FARSA: variants seen among roughly 807,000 people sequenced by gnomAD.
FARSA encodes the protein phenylalanyl-tRNA synthetase subunit alpha, also known as phenylalanine--tRNA ligase alpha subunit.
FARSA carries 37 observed loss-of-function variants against 63.2 expected under a neutral mutation model. That is an observed-to-expected ratio of 0.59 (90% CI 0.45 to 0.77). FARSA has a LOEUF of 0.77. Among genes scored for constraint, FARSA ranks in the 30% least tolerant of loss-of-function variants. The probability of loss-of-function intolerance (pLI) is 0.00; values close to 1 mark genes in which losing one functional copy is unlikely to be tolerated. For missense variants in FARSA, 618 were observed against 696.6 expected, an observed-to-expected ratio of 0.89 and a Z score of 1.27; for synonymous variants, 312 against 285.1, an observed-to-expected ratio of 1.09 and a Z score of -0.95.
At chr19:12,933,351 A>G (rs1971416269) in intron 1 of FARSA, 199 bp downstream of exon 1, 4 of 607,794 alleles carry the variant, frequency 6.6e-6, no homozygotes, top group South Asian at 4.3e-5. Context: ...CCGTGCCTCA[A>G]TAAACGTTTA....
chr19:12,925,403 G>C (rs1971315575), intron 7 of FARSA, among the ~76,000 whole-genome samples: 1 of 151,956 alleles, frequency 6.6e-6, no homozygotes, highest in Non-Finnish European at 1.5e-5. Context: ...AGTTGGCCCA[G>C]CTGAAGTACA....
intron 12 of FARSA, among the ~76,000 whole-genome samples, chr19:12,923,922 G>A (rs1971294868): frequency 6.6e-6 from 1 of 152,234 alleles, no homozygotes; most frequent in Non-Finnish European, 1.5e-5. Flanking sequence ...TGATGTACTT[G>A]TTGGTCTTGC....
chr19:12,928,772 G>C lies in FARSA; in HGVS notation c.579C>G (p.Ser193Arg), dbSNP rs762393723. The C allele has an allele frequency of 1.2e-6, 2 of 1,614,062 alleles. No homozygotes were observed. The highest frequency in any genetic ancestry group is 1.7e-6 in the Non-Finnish European group (2 of 1,180,056). ...CCTGCTACCTGGAGATCATCTCTGG[G>C]CTCAGCTCTGTCTCTTGCTTGGAGA... is the stretch of plus-strand genomic sequence containing the variant. ...TSISKQETEL[S>R]PEMISSGSWR... Residue 193 changes from serine to arginine, a missense_variant, in exon 5 of 13, where the codon AGC becomes AGG. Ser to Arg is a moderately radical substitution (Grantham distance 110). Transcript: ENST00000314606.
At position 12,930,547 on chromosome 19, in the gene FARSA, G is replaced by A. The variant is rs1422809005; in HGVS notation, c.286-20C>T. ...CAGTCGCTGGAAAAGAGAGGCTGCA[G>A]TGAGTGGGGCACGAGGGCCACCTTC... On this transcript the variant is annotated intron_variant, in intron 2 of 12. Coordinates refer to ENST00000314606, the MANE Select transcript of FARSA (RefSeq NM_004461.3). 1 of 1,611,850 alleles carries A rather than the reference G, an allele frequency of 6.2e-7. No individual in the cohort carries two copies. The highest frequency in any genetic ancestry group is 8.5e-7 in the Non-Finnish European group (1 of 1,178,680).
At chr19:12,925,262 C>G in intron 7 of FARSA, 88 bp from the exon 8 acceptor site, 2 of 1,147,442 alleles carry the variant, frequency 1.7e-6, no homozygotes, top group South Asian at 1.4e-5. Flanking sequence ...GTTGTCCAGG[C>G]TGGAGTGCGG....
chr19:12,928,034 AAAAAAAAAAAAAAGAC>A (rs1359234352), intron 7 of FARSA, among the ~76,000 whole-genome samples: 1 of 150,966 alleles, frequency 6.6e-6, no homozygotes, highest in Non-Finnish European at 1.5e-5. Flanking sequence ...AAAAAAAAAA[AAAAAAAAAAAAAAGAC>A]TGCAGGTGGC....
chr19:12,928,700 G>GCCCCTGC (rs767750729), intron 5 of FARSA, 37 bp from the exon 6 acceptor site: 50 of 1,611,118 alleles, frequency 3.1e-5, no homozygotes, highest in Non-Finnish European at 3.7e-5. Flanking sequence ...AGGGCTGCCC[G>GCCCCTGC]CCCCTGCCCC....
In FARSA at chr19:12,924,357, G is replaced by A; in HGVS notation, c.1273+92C>T. 6.5e-7 allele frequency: 1 copy of A among 1,532,620 alleles called. No individual in the cohort carries two copies. The highest frequency in any genetic ancestry group is 9.0e-7 in the Non-Finnish European group (1 of 1,110,298). 94.9% of individuals were successfully genotyped at this position (1,532,620 alleles called of 1,614,324 possible). A position where few individuals can be genotyped will look rare whatever the true frequency, so the allele number is the denominator to read the frequency against. On this transcript the variant is annotated intron_variant, in intron 11 of 12. Transcript: ENST00000314606. The surrounding 1 kb of genome is among the most constrained non-coding windows in gnomAD (Gnocchi z 6.4). ...CTGGGTCTAGGTGGTGAGCTTGGGAGGTGGGGTACAGGCATGGCAATGGGG... is the reference window on the plus strand; with the variant it reads ...CTGGGTCTAGGTGGTGAGCTTGGGAAGTGGGGTACAGGCATGGCAATGGGG...
At position 12,924,589 on chromosome 19, in the gene FARSA, C is replaced by T. The variant is rs759371358; in HGVS notation, c.1195+50G>A. On this transcript the variant is annotated intron_variant, in intron 10 of 12. Transcript: ENST00000314606. The surrounding 1 kb of genome is among the most constrained non-coding windows in gnomAD (Gnocchi z 6.4). ...TGGAGGATAATGCTGGTGATCAACACACCTGCCCGCTGCCTCACCACCATG... is the reference window on the plus strand; with the variant it reads ...TGGAGGATAATGCTGGTGATCAACATACCTGCCCGCTGCCTCACCACCATG... The T allele has an allele frequency of 3.7e-6, 6 of 1,612,622 alleles. No homozygotes were observed. Among genetic ancestry groups the T allele is most frequent in the South Asian group, 1.1e-5 (1 of 91,040 alleles).
Position 12,924,300 on chromosome 19 carries a change from T to A in FARSA, c.1274-35A>T, listed in dbSNP as rs1016400199. Reference sequence around the variant, plus strand: ...CAGGACAGAAAAGACGGGCAGTGCGTGTTGAGTTTCTGGGCACTGCTGGTA... The same window carrying A: ...CAGGACAGAAAAGACGGGCAGTGCGAGTTGAGTTTCTGGGCACTGCTGGTA... On this transcript the variant is annotated intron_variant, in intron 11 of 12. Transcript: ENST00000314606. The surrounding 1 kb of genome is among the most constrained non-coding windows in gnomAD (Gnocchi z 6.4). The A allele has an allele frequency of 1.9e-6, 3 of 1,588,604 alleles. No homozygotes were observed. The African/African-American group carries it at 4.0e-5, about 21-fold the overall frequency.
intron 1 of FARSA, among the ~76,000 whole-genome samples, chr19:12,931,130 C>A (rs1004550243): frequency 1.3e-5 from 2 of 152,178 alleles, no homozygotes; most frequent in Admixed American, 6.5e-5. Context: ...GGGGGTCTCA[C>A]CCTGTCACTA....
At position 12,933,657 on chromosome 19, in the gene FARSA, G is replaced by T; in HGVS notation, c.40C>A (p.Leu14Met). 1 of 1,568,156 alleles carries T rather than the reference G, an allele frequency of 6.4e-7. No individual in the cohort carries two copies. Among genetic ancestry groups the T allele is most frequent in the Non-Finnish European group, 8.6e-7 (1 of 1,160,792 alleles). ...GQVAELLLRR[L>M]EASDGGLDSA... is the part of the protein sequence containing the mutation. ...TCCAGGCCGCCATCAGACGCCTCCAGCCGCCGGAGCAGCAGTTCCGCCACC... is the reference window on the plus strand; with the variant it reads ...TCCAGGCCGCCATCAGACGCCTCCATCCGCCGGAGCAGCAGTTCCGCCACC... Residue 14 changes from leucine (L) to methionine (M), a missense_variant, in exon 1 of 13, where the codon CTG becomes ATG. By Grantham distance (15) the Leu-to-Met change is conservative. Transcript: ENST00000314606.
intron 1 of FARSA, 71 bp downstream of exon 1, chr19:12,933,479 C>A: frequency 6.6e-7 from 1 of 1,505,456 alleles, no homozygotes; most frequent in Non-Finnish European, 8.9e-7. Context: ...TTGGCTTGGA[C>A]GTAGAGCGCC....
intron 7 of FARSA, among the ~76,000 whole-genome samples, chr19:12,926,341 G>A (rs1264653959): frequency 1.3e-5 from 2 of 150,712 alleles, no homozygotes; most frequent in Non-Finnish European, 2.9e-5. Flanking sequence ...GCATGATCTC[G>A]GCTAACTGCC....
At chr19:12,926,396 C>T (rs573576104) in intron 7 of FARSA, among the ~76,000 whole-genome samples, 5 of 151,656 alleles carry the variant, frequency 3.3e-5, no homozygotes, top group African/African-American at 1.2e-4. Context: ...CTCAGCCTCC[C>T]GAGTAGCTGG....
In FARSA at chr19:12,931,399, G is replaced by A. The variant is rs563452337; in HGVS notation, c.148-650C>T. 2.6e-5 allele frequency among the ~76,000 whole-genome samples: 4 copies of A among 152,198 alleles called. No individual in the cohort carries two copies. In the East Asian group the frequency reaches 7.7e-4, roughly 29 times the overall value. On this transcript the variant is annotated intron_variant, in intron 1 of 12. Coordinates refer to ENST00000314606, the MANE Select transcript of FARSA (RefSeq NM_004461.3). ...CTGCCTCAGCCTCCCGAGTAGCTCG[G>A]ATTACAGGTGCCCACCACCACCCCC...
rs780645496 is a variant in FARSA, at chr19:12,924,258, C to A, written c.1281G>T (p.Lys427Asn). ...CCGAGTTTCCGACCTCCACCCACTT[C>A]TTCAGGCCTGCAGAGGCAGGACAGA... ...MEVFSYHQGL[K>N]KWVEVGNSGV... Residue 427 changes from lysine to asparagine, a missense_variant, in exon 12 of 13, where the codon AAG becomes AAT. Lys to Asn is a moderately conservative substitution (Grantham distance 94). Coordinates refer to ENST00000314606, the MANE Select transcript of FARSA (RefSeq NM_004461.3). This position sits in a 1 kb window ranked among gnomAD's most constrained non-coding sequence, Gnocchi z 6.4. The A allele has an allele frequency of 1.2e-6, 2 of 1,613,974 alleles. No individual in the cohort carries two copies. Among genetic ancestry groups the A allele is most frequent in the Non-Finnish European group, 1.7e-6 (2 of 1,179,874 alleles).
At chr19:12,925,219 C>A (rs1971313475) in intron 7 of FARSA, 45 bp from the exon 8 acceptor site, 2 of 1,491,892 alleles carry the variant, frequency 1.3e-6, no homozygotes, top group Non-Finnish European at 1.8e-6. Context: ...GAGCATTTCC[C>A]ACCCCTTTTT....
rs143258144 is a variant in FARSA, at chr19:12,928,403, G to A, written c.780C>T (p.Asp260=). The A allele has an allele frequency of 2.4e-5, 38 of 1,614,020 alleles. No homozygotes were observed. In the South Asian group the frequency reaches 2.7e-4, roughly 12 times the overall value. Reference sequence around the variant, plus strand: ...GGTGCTGCTGGGGCTGGAAGAGGGCGTCAAAGTTCCAGAAGGAGCTCTCAA... The same window carrying A: ...GGTGCTGCTGGGGCTGGAAGAGGGCATCAAAGTTCCAGAAGGAGCTCTCAA... ...NFIESSFWNF[D]ALFQPQQHPA... The change falls in exon 7 of 13, where the codon GAC becomes GAT. Residue 260 remains aspartate (D), a synonymous_variant. Transcript: ENST00000314606.
Sources: gnomAD v4.1 joint callset for allele counts (sites outside exome capture counted in the v4.1 genomes callset) on GRCh38, gnomAD v4.1.1 for gene constraint, Gnocchi (gnomAD v3.1) non-coding constraint, MANE v1.5 for transcripts, NCBI Gene and HGNC (gene_info 2026-07-23, HGNC 2026-07-21) for gene names.